The following RORA variants were observed in gnomAD, a reference collection of about 807,000 sequenced individuals.
RORA encodes the protein RAR related orphan receptor A, also known as nuclear receptor ROR-alpha.
In RORA, 7 loss-of-function variants were observed where a neutral mutation model predicts 69.5. The observed-to-expected ratio is 0.10, with a 90% confidence interval of 0.06 to 0.19. RORA has a LOEUF of 0.19. Among genes scored for constraint, RORA ranks in the 10% least tolerant of loss-of-function variants. RORA has a pLI of 1.00. For synonymous variants in RORA, 261 were observed against 240.8 expected, an observed-to-expected ratio of 1.08 and a Z score of -0.78; for missense variants, 457 against 663.0, an observed-to-expected ratio of 0.69 and a Z score of 3.41.
chr15:60,683,641 T>TACAC (rs1212373710), intron 1 of RORA, among the ~76,000 whole-genome samples: 3 of 47,858 alleles, frequency 6.3e-5, no homozygotes, highest in African/African-American at 3.7e-4. Flanking sequence ...TTTACCCAGA[T>TACAC]ACACATACAC....
chr15:60,819,264 T>C (rs936056707), intron 1 of RORA, among the ~76,000 whole-genome samples: 9 of 152,212 alleles, frequency 5.9e-5, no homozygotes, highest in Admixed American at 5.9e-4. Flanking sequence ...TATGCTCTGA[T>C]GCTGTTGAAC....
intron 1 of RORA, among the ~76,000 whole-genome samples, chr15:61,168,036 T>A (rs1465818381): frequency 6.6e-6 from 1 of 152,122 alleles, no homozygotes; most frequent in African/African-American, 2.4e-5. Flanking sequence ...CAAACAGTTG[T>A]AAAAGCCCAG....
intron 1 of RORA, among the ~76,000 whole-genome samples, chr15:60,932,265 C>A (rs145609556): frequency 1.5e-4 from 23 of 152,178 alleles, no homozygotes; most frequent in African/African-American, 5.3e-4. Flanking sequence ...AATGGAGATG[C>A]CATGAGCAGC....
intron 1 of RORA, among the ~76,000 whole-genome samples, chr15:60,951,655 C>T (rs1381929595): frequency 4.0e-5 from 6 of 151,876 alleles, no homozygotes; most frequent in African/African-American, 9.7e-5. Context: ...GAGAATACTA[C>T]AAACACCTCT....
intron 2 of RORA, among the ~76,000 whole-genome samples, chr15:60,569,139 A>C (rs1305041764): frequency 1.3e-5 from 2 of 152,076 alleles, no homozygotes; most frequent in Non-Finnish European, 2.9e-5. Flanking sequence ...TTAATCAACG[A>C]AAGTGCCTTG....
intron 1 of RORA, among the ~76,000 whole-genome samples, chr15:61,119,085 G>GGC (rs1555412579): frequency 6.6e-6 from 1 of 150,442 alleles, no homozygotes; most frequent in Non-Finnish European, 1.5e-5. Context: ...AACAGAAGGG[G>GGC]GGGGGGGGCG....
intron 1 of RORA, among the ~76,000 whole-genome samples, chr15:60,826,458 A>G (rs2072958358): frequency 6.6e-6 from 1 of 152,122 alleles, no homozygotes; most frequent in Admixed American, 6.5e-5. Flanking sequence ...GGCCCTTGCT[A>G]TCACTGAGGA....
intron 1 of RORA, among the ~76,000 whole-genome samples, chr15:60,833,527 T>C (rs1411746242): frequency 2.0e-5 from 3 of 152,160 alleles, no homozygotes; most frequent in Non-Finnish European, 4.4e-5. Context: ...TGAGTCTTCT[T>C]CCTGGGTCCT....
intron 1 of RORA, among the ~76,000 whole-genome samples, chr15:61,183,460 G>A (rs780639317): frequency 4.4e-4 from 67 of 151,766 alleles, no homozygotes; most frequent in Non-Finnish European, 7.1e-4. Context: ...GCTTGAACCC[G>A]GGAGGGAGAA....
chr15:61,222,446 G>A, intron 1 of RORA, among the ~76,000 whole-genome samples: 1 of 152,198 alleles, frequency 6.6e-6, no homozygotes, highest in East Asian at 1.9e-4. Flanking sequence ...AAGAGCTGGC[G>A]CAAAAAGCCG....
At chr15:60,624,480 A>G (rs2069511085) in intron 2 of RORA, among the ~76,000 whole-genome samples, 1 of 120,466 alleles carries the variant, frequency 8.3e-6, no homozygotes. Context: ...GCATATATAT[A>G]TATATATATA....
At chr15:61,191,746 G>C (rs1017690460) in intron 1 of RORA, among the ~76,000 whole-genome samples, 3 of 152,208 alleles carry the variant, frequency 2.0e-5, no homozygotes, top group Non-Finnish European at 2.9e-5. Context: ...CATCAAGGAA[G>C]CTTCAGCAAG....
intron 1 of RORA, among the ~76,000 whole-genome samples, chr15:60,985,678 G>A (rs1027478759): frequency 1.4e-5 from 2 of 144,900 alleles, no homozygotes; most frequent in Non-Finnish European, 3.0e-5. Flanking sequence ...TCTGGCTTCC[G>A]GGTTCAAGCA....
At chr15:60,827,844 G>A (rs1296875442) in intron 1 of RORA, among the ~76,000 whole-genome samples, 1 of 152,184 alleles carries the variant, frequency 6.6e-6, no homozygotes, top group Non-Finnish European at 1.5e-5. Flanking sequence ...TAGCAGTCAG[G>A]ACCATTACAG....
intron 2 of RORA, among the ~76,000 whole-genome samples, chr15:60,562,495 G>A (rs2067596068): frequency 6.6e-6 from 1 of 151,898 alleles, no homozygotes; most frequent in Non-Finnish European, 1.5e-5. Context: ...GAGTGCAGTG[G>A]CTCTATCTCG....
intron 1 of RORA, among the ~76,000 whole-genome samples, chr15:60,978,237 T>A (rs1893934528): frequency 6.6e-6 from 1 of 152,196 alleles, no homozygotes; most frequent in African/African-American, 2.4e-5. Context: ...GTGGTTTTGA[T>A]TTGCATTTTC....
chr15:61,009,566 A>T (rs940616984), intron 1 of RORA, among the ~76,000 whole-genome samples: 1 of 152,268 alleles, frequency 6.6e-6, no homozygotes, highest in Non-Finnish European at 1.5e-5. Context: ...ATTTTAATTC[A>T]GATAGATCGT....
intron 1 of RORA, among the ~76,000 whole-genome samples, chr15:61,080,825 G>T (rs575528314): frequency 5.3e-5 from 8 of 152,130 alleles, no homozygotes; most frequent in African/African-American, 1.4e-4. Context: ...AATTCAGGTC[G>T]GCCCAATCAT....
chr15:61,217,418 G>A (rs958085180), intron 1 of RORA, among the ~76,000 whole-genome samples: 2 of 150,230 alleles, frequency 1.3e-5, no homozygotes, highest in Non-Finnish European at 3.0e-5. Context: ...TGAAAATGAT[G>A]GTAGGATTTC....
Sources: gnomAD v4.1 joint callset for allele counts (sites outside exome capture counted in the v4.1 genomes callset) on GRCh38, gnomAD v4.1.1 for gene constraint, MANE v1.5 for transcripts, NCBI Gene and HGNC (gene_info 2026-07-23, HGNC 2026-07-21) for gene names.